Variants in EYS observed in about 807,000 individuals in gnomAD.
EYS encodes protein eyes shut homolog.
In EYS, 250 loss-of-function variants were observed where a neutral mutation model predicts 282.1. The ratio of observed to expected loss-of-function variants is 0.89; its 90% CI spans 0.80 to 0.98. The LOEUF is 0.98. Among genes scored for constraint, EYS ranks in the 50% least tolerant of loss-of-function variants. The pLI is 0.00. For missense variants in EYS, 4,016 were observed against 3,709.0 expected, an observed-to-expected ratio of 1.08 and a Z score of -2.15; for synonymous variants, 1,355 against 1,282.9, an observed-to-expected ratio of 1.06 and a Z score of -1.20.
chr6:65,590,805 T>C (rs912341842), intron 2 of EYS, among the ~76,000 whole-genome samples: 2 of 151,632 alleles, frequency 1.3e-5, no homozygotes, highest in Non-Finnish European at 2.9e-5. Context: ...AAACAGAATT[T>C]TAATGTTTTT....
At chr6:65,053,046 G>C (rs77532351) in intron 13 of EYS, among the ~76,000 whole-genome samples, 4,155 of 151,788 alleles carry the variant, frequency 0.027, 186 homozygotes, top group African/African-American at 0.095. Context: ...AAACTAACAT[G>C]CATAAAAACA....
chr6:65,362,652 T>G (rs1469570717), intron 8 of EYS, among the ~76,000 whole-genome samples: 1 of 151,892 alleles, frequency 6.6e-6, no homozygotes, highest in Non-Finnish European at 1.5e-5. Flanking sequence ...ATGTAATATT[T>G]TTACTACAAG....
At chr6:65,148,928 G>T (rs1183582088) in intron 12 of EYS, among the ~76,000 whole-genome samples, 1 of 152,040 alleles carries the variant, frequency 6.6e-6, no homozygotes, top group Non-Finnish European at 1.5e-5. Context: ...TTTTAGCCAT[G>T]GTTGGAGATG....
At chr6:64,564,531 T>A (rs570991680) in intron 26 of EYS, among the ~76,000 whole-genome samples, 4 of 152,142 alleles carry the variant, frequency 2.6e-5, no homozygotes, top group South Asian at 4.2e-4. Context: ...TCCGTCCACC[T>A]CCGCCTCCCA....
chr6:64,239,600 GTT>G (rs143565376), intron 30 of EYS, among the ~76,000 whole-genome samples: 162 of 145,078 alleles, frequency 1.1e-3, no homozygotes, highest in Middle Eastern at 3.6e-3. Context: ...TGATGGGGTT[GTT>G]TTTTTTTTTT....
chr6:64,686,469 C>T (rs535589626), intron 22 of EYS, among the ~76,000 whole-genome samples: 5 of 151,340 alleles, frequency 3.3e-5, no homozygotes, highest in East Asian at 3.9e-4. Context: ...AGGGTGAGCG[C>T]GGTGGCTCAC....
At chr6:65,703,206 C>CTA (rs1173823877) in intron 1 of EYS, among the ~76,000 whole-genome samples, 9 of 152,056 alleles carry the variant, frequency 5.9e-5, no homozygotes, top group East Asian at 1.9e-4. Context: ...ATCTCTCTCT[C>CTA]TCTATATATA....
intron 22 of EYS, among the ~76,000 whole-genome samples, chr6:64,738,683 C>G (rs893363612): frequency 6.6e-6 from 1 of 152,018 alleles, no homozygotes; most frequent in Non-Finnish European, 1.5e-5. Flanking sequence ...TTATTTAAAA[C>G]AACAATAGTG....
intron 30 of EYS, among the ~76,000 whole-genome samples, chr6:64,267,243 G>A (rs12190681): frequency 0.69 from 104,214 of 151,934 alleles, 35,869 homozygotes; most frequent in South Asian, 0.71. Flanking sequence ...AGATCTGAGA[G>A]GCTCGAATGG....
intron 5 of EYS, among the ~76,000 whole-genome samples, chr6:65,460,491 C>T (rs899460905): frequency 1.3e-5 from 2 of 151,974 alleles, no homozygotes; most frequent in African/African-American, 2.4e-5. Flanking sequence ...TAGCTCATCT[C>T]ATCAGACCTG....
intron 8 of EYS, among the ~76,000 whole-genome samples, chr6:65,363,377 C>T (rs1229361409): frequency 2.0e-5 from 3 of 151,816 alleles, no homozygotes; most frequent in Admixed American, 6.6e-5. Flanking sequence ...ATCAATTAAG[C>T]AATTAAATAT....
chr6:64,059,396 A>G (rs1304252229), intron 33 of EYS, among the ~76,000 whole-genome samples: 1 of 152,180 alleles, frequency 6.6e-6, no homozygotes, highest in Non-Finnish European at 1.5e-5. Flanking sequence ...AAAGGCACAA[A>G]TGTGATTACA....
chr6:63,721,513 C>T lies in EYS; in HGVS notation c.8518G>A (p.Glu2840Lys), dbSNP rs1199823182. 1 of 1,551,202 alleles carries T rather than the reference C, an allele frequency of 6.4e-7. No individual in the cohort carries two copies. Among genetic ancestry groups the T allele is most frequent in the Non-Finnish European group, 8.7e-7 (1 of 1,146,478 alleles). Residue 2840 changes from glutamate to lysine, a missense_variant, in exon 43 of 43, where the codon GAA (glutamate) becomes AAA (lysine). Glu to Lys is a moderately conservative substitution (Grantham distance 56, BLOSUM62 1). Coordinates refer to ENST00000503581, the MANE Select transcript of EYS (RefSeq NM_001142800.2). Reference sequence around the variant, plus strand: ...ATACAGCCTTGAAAACCTACAGGTTCATTTTCTATTGCCATGGGATTTACA... The same window carrying T: ...ATACAGCCTTGAAAACCTACAGGTTTATTTTCTATTGCCATGGGATTTACA... ...NLVNPMAIEN[E>K]PVGFQGCIRQ... is the part of the protein sequence containing the mutation.
intron 5 of EYS, among the ~76,000 whole-genome samples, chr6:65,428,487 T>G (rs1767748434): frequency 6.6e-6 from 1 of 151,630 alleles, no homozygotes; most frequent in Admixed American, 6.6e-5. Flanking sequence ...TTCTATGAAA[T>G]AGTCACTGTC....
At chr6:65,402,106 T>G (rs1396870430) in intron 7 of EYS, among the ~76,000 whole-genome samples, 1 of 151,772 alleles carries the variant, frequency 6.6e-6, no homozygotes, top group Non-Finnish European at 1.5e-5. Flanking sequence ...TATTCTATTA[T>G]TTTAAAATAT....
chr6:65,478,558 A>T (rs1315506034), intron 5 of EYS, among the ~76,000 whole-genome samples: 2 of 152,182 alleles, frequency 1.3e-5, no homozygotes, highest in Non-Finnish European at 2.9e-5. Flanking sequence ...CCCTCTTGAC[A>T]GTGCTCCATT....
chr6:65,700,908 T>C (rs1769651621), intron 1 of EYS, among the ~76,000 whole-genome samples: 1 of 152,238 alleles, frequency 6.6e-6, no homozygotes, highest in Non-Finnish European at 1.5e-5. Context: ...CCTACTTTAC[T>C]CATCCAGCCT....
intron 30 of EYS, among the ~76,000 whole-genome samples, chr6:64,243,368 A>G (rs1323843153): frequency 6.6e-6 from 1 of 152,182 alleles, no homozygotes; most frequent in Non-Finnish European, 1.5e-5. Flanking sequence ...TTTTTTGTCC[A>G]CATAAAGTTC....
Position 63,720,576 on chromosome 6 carries a change from C to T in EYS, c.*20G>A. The T allele has an allele frequency of 2.1e-6, 3 of 1,435,470 alleles. No individual in the cohort carries two copies. Among genetic ancestry groups the T allele is most frequent in the African/African-American group, 1.4e-5 (1 of 69,512 alleles). 88.9% of individuals were successfully genotyped at this position (1,435,470 alleles called of 1,614,324 possible). A position where few individuals can be genotyped will look rare whatever the true frequency, so the allele number is the denominator to read the frequency against. ...TAACTGCATTTATGTATAGTGTGTACTAAAATCTCTAGTGTTAACTTATGT... is the reference window on the plus strand; with the variant it reads ...TAACTGCATTTATGTATAGTGTGTATTAAAATCTCTAGTGTTAACTTATGT... On this transcript the variant is annotated 3_prime_UTR_variant, in exon 43 of 43. Coordinates refer to ENST00000503581, the MANE Select transcript of EYS (RefSeq NM_001142800.2).
Sources: gnomAD v4.1 joint callset for allele counts (sites outside exome capture counted in the v4.1 genomes callset) on GRCh38, gnomAD v4.1.1 for gene constraint, MANE v1.5 for transcripts, NCBI Gene and HGNC (gene_info 2026-07-23, HGNC 2026-07-21) for gene names.